NKD1: variants seen among roughly 807,000 people sequenced by gnomAD.
NKD1 encodes NKD inhibitor of Wnt signaling pathway 1, also known as protein naked cuticle homolog 1.
A neutral mutation model predicts 56.0 loss-of-function variants in NKD1; 21 were observed. That is an observed-to-expected ratio of 0.38 (90% confidence interval 0.27 to 0.54). The LOEUF is 0.54. Among genes scored for constraint, NKD1 ranks in the 20% least tolerant of loss-of-function variants. The pLI, the probability that NKD1 is intolerant of heterozygous loss-of-function variation, is 0.82. For synonymous variants in NKD1, 263 were observed against 265.7 expected (o/e 0.99, Z 0.10); for missense variants, 578 against 642.7 (o/e 0.90, Z 1.09).
intron 3 of NKD1, among the ~76,000 whole-genome samples, chr16:50,584,914 T>G (rs1961194490): frequency 6.6e-6 from 1 of 152,184 alleles, no homozygotes; most frequent in African/African-American, 2.4e-5. Context: ...TAGATCGTAA[T>G]GAGGCCCAGG....
chr16:50,606,778 C>G (rs1961720670), intron 3 of NKD1: 1 of 456,462 alleles, frequency 2.2e-6, no homozygotes, highest in African/African-American at 2.0e-5. Context: ...TGCGCAGATT[C>G]TCTTGAAGAC....
chr16:50,608,171 G>A, intron 3 of NKD1, 123 bp from the exon 4 acceptor site: 2 of 765,738 alleles, frequency 2.6e-6, no homozygotes, highest in Non-Finnish European at 2.4e-6. Context: ...AATAGGATCT[G>A]CCTCAGTTGA....
intron 3 of NKD1, among the ~76,000 whole-genome samples, chr16:50,584,455 C>A (rs1275432436): frequency 6.6e-6 from 1 of 152,226 alleles, no homozygotes; most frequent in Non-Finnish European, 1.5e-5. Context: ...GTTGAAGGGT[C>A]TTTTCCCAGC....
At chr16:50,608,720 G>A (rs781254575) in intron 4 of NKD1, among the ~76,000 whole-genome samples, 2 of 152,218 alleles carry the variant, frequency 1.3e-5, no homozygotes, top group Non-Finnish European at 2.9e-5. Context: ...GTTGGGCATG[G>A]AGTAAGCATT....
intron 3 of NKD1, among the ~76,000 whole-genome samples, chr16:50,584,129 C>T (rs773291673): frequency 6.6e-6 from 1 of 152,176 alleles, no homozygotes; most frequent in Non-Finnish European, 1.5e-5. Flanking sequence ...TGGGCTTGCT[C>T]ATGCTTCAAG....
Position 50,633,575 on chromosome 16 carries a change from A to C in NKD1, c.1207A>C (p.Lys403Gln). The change falls in exon 10 of 10, where the codon AAG (lysine) becomes CAG (glutamine). Residue 403 changes from lysine to glutamine, a missense_variant. By Grantham distance (53) the Lys-to-Gln change is moderately conservative. Coordinates refer to ENST00000268459, the MANE Select transcript of NKD1 (RefSeq NM_033119.5). This position sits in a 1 kb window ranked among gnomAD's most constrained non-coding sequence, Gnocchi z 4.9. ...AGCCCCCCTCGGGCACAAGAAGCACAAGCACCGAGCCAAGGAGAGCCAGCA... is the reference window on the plus strand; with the variant it reads ...AGCCCCCCTCGGGCACAAGAAGCACCAGCACCGAGCCAAGGAGAGCCAGCA... ...SLAPLGHKKH[K>Q]HRAKESQQGC... 6.2e-7 allele frequency: 1 copy of C among 1,611,456 alleles called. No individual in the cohort carries two copies.
In NKD1 at chr16:50,633,723, A is replaced by C. The variant is rs749094601; in HGVS notation, c.1355A>C (p.His452Pro). The change falls in exon 10 of 10, where the codon CAT (histidine) becomes CCT (proline). Residue 452 changes from histidine (H) to proline (P), a missense_variant. His to Pro is a moderately conservative substitution (Grantham distance 77, BLOSUM62 -2). Coordinates refer to ENST00000268459, the MANE Select transcript of NKD1 (RefSeq NM_033119.5). The surrounding 1 kb of genome is among the most constrained non-coding windows in gnomAD (Gnocchi z 4.9). ...ESQAGQPVQR[H>P]EHHHHHEHHH... ...CAGGCCGGGCAGCCGGTCCAGAGAC[A>C]TGAGCACCACCACCACCATGAACAT... The C allele has an allele frequency of 1.9e-6, 3 of 1,575,184 alleles. No homozygotes were observed. The South Asian group carries it at 3.5e-5, about 18-fold the overall frequency.
chr16:50,590,499 T>C (rs1435877484), intron 3 of NKD1, among the ~76,000 whole-genome samples: 10 of 152,256 alleles, frequency 6.6e-5, no homozygotes, highest in Non-Finnish European at 1.5e-4. Flanking sequence ...CCTTCATTTT[T>C]ATTTATTTAA....
chr16:50,633,072 C>G lies in NKD1; in HGVS notation c.824-120C>G. 3 of 865,530 alleles carry G rather than the reference C, an allele frequency of 3.5e-6. No homozygotes were observed. Among genetic ancestry groups the G allele is most frequent in the Non-Finnish European group, 5.1e-6 (3 of 588,100 alleles). The allele number at this position is 865,530 out of a possible 1,614,324, so 53.6% of individuals were successfully genotyped here. A position where few individuals can be genotyped will look rare whatever the true frequency, so the allele number is the denominator to read the frequency against. On this transcript the variant is annotated intron_variant, in intron 9 of 9. Transcript: ENST00000268459. The surrounding 1 kb of genome is among the most constrained non-coding windows in gnomAD (Gnocchi z 4.9). ...TTCCTGCAAGGCAGTGAGGGGCAGT[C>G]AGGGCATTGGGGGGTAGCTCTGGTT...
Position 50,565,208 on chromosome 16 carries a change from T to G in NKD1, c.192+15653T>G, listed in dbSNP as rs189104038. 3.3e-5 allele frequency among the ~76,000 whole-genome samples: 5 copies of G among 151,938 alleles called. No individual in the cohort carries two copies. The East Asian group carries it at 9.7e-4, about 29-fold the overall frequency. The stretch of plus-strand genomic sequence containing the variant: ...GGCTAACATGGTGAAACCCCGTGTT[T>G]CCTTCACTAAAAATACAAAAAATTA... On this transcript the variant is annotated intron_variant, in intron 3 of 9. Transcript: ENST00000268459.
At chr16:50,553,041 A>G (rs1960425264) in intron 3 of NKD1, among the ~76,000 whole-genome samples, 1 of 152,364 alleles carries the variant, frequency 6.6e-6, no homozygotes, top group Non-Finnish European at 1.5e-5. Flanking sequence ...AAAGAACACC[A>G]TGTTAAACAA....
intron 3 of NKD1, among the ~76,000 whole-genome samples, chr16:50,597,006 G>T (rs1274430637): frequency 6.6e-6 from 1 of 152,198 alleles, no homozygotes; most frequent in Non-Finnish European, 1.5e-5. Context: ...AACAGAAGGG[G>T]TGAGGGAGGT....
intron 3 of NKD1, among the ~76,000 whole-genome samples, chr16:50,569,987 C>T (rs1960846811): frequency 6.6e-6 from 1 of 152,114 alleles, no homozygotes; most frequent in African/African-American, 2.4e-5. Flanking sequence ...GTGATGCAGC[C>T]ACTGAACGTT....
chr16:50,576,853 G>T (rs1961005085), intron 3 of NKD1, among the ~76,000 whole-genome samples: 1 of 151,752 alleles, frequency 6.6e-6, no homozygotes. Flanking sequence ...CACTGGGAAG[G>T]TATTCCTACC....
Position 50,562,989 on chromosome 16 carries a change from C to CA in NKD1, c.192+13434_192+13435insA, listed in dbSNP as rs1274966656. 1.2e-4 allele frequency among the ~76,000 whole-genome samples: 14 copies of CA among 119,642 alleles called. 2 individuals are homozygous for CA. The highest frequency in any genetic ancestry group is 4.7e-4 in the African/African-American group (12 of 25,380). The allele number at this position is 119,642 out of a possible 152,430, so 78.5% of individuals were successfully genotyped here. ...AGGGCTGCTAGGTCCCACCACCACC[C>CA]CCCCCCCCCGCCGTAGAATGGGTAG... On this transcript the variant is annotated intron_variant, in intron 3 of 9. Coordinates refer to ENST00000268459, the MANE Select transcript of NKD1 (RefSeq NM_033119.5).
chr16:50,571,387 C>A, intron 3 of NKD1: 1 of 647,820 alleles, frequency 1.5e-6, no homozygotes. Context: ...AGGGTTTGTG[C>A]ACATGGAGGC....
chr16:50,632,479 C>G lies in NKD1; in HGVS notation c.823+71C>G. The G allele has an allele frequency of 6.5e-7, 1 of 1,536,092 alleles. No homozygotes were observed. Among genetic ancestry groups the G allele is most frequent in the Non-Finnish European group, 9.0e-7 (1 of 1,114,178 alleles). On this transcript the variant is annotated intron_variant, in intron 9 of 9. Transcript: ENST00000268459. The surrounding 1 kb of genome is among the most constrained non-coding windows in gnomAD (Gnocchi z 4.1). ...GGCTGGACGGGCCAGGCGGGCCGTG[C>G]GGGTGGTGTTCACTGCTACCCCAGG...
At chr16:50,556,131 C>T (rs976019207) in intron 3 of NKD1, 3 of 152,206 alleles carry the variant, frequency 2.0e-5, no homozygotes, top group Admixed American at 1.3e-4. Flanking sequence ...CACCCTGCTC[C>T]GTTTATCCTG....
intron 3 of NKD1, among the ~76,000 whole-genome samples, chr16:50,560,554 GAATCTTGCTTC>G (rs1222699334): frequency 2.0e-5 from 3 of 151,778 alleles, no homozygotes; most frequent in African/African-American, 7.3e-5. Flanking sequence ...CTTGGAAGTG[GAATCTTGCTTC>G]AGCAAGATTC....
Sources: gnomAD v4.1 joint callset for allele counts (sites outside exome capture counted in the v4.1 genomes callset) on GRCh38, gnomAD v4.1.1 for gene constraint, Gnocchi (gnomAD v3.1) non-coding constraint, MANE v1.5 for transcripts, NCBI Gene and HGNC (gene_info 2026-07-23, HGNC 2026-07-21) for gene names.